KCNH1: variants seen among roughly 807,000 people sequenced by gnomAD.
The protein encoded by KCNH1 is voltage-gated delayed rectifier potassium channel KCNH1.
Under a neutral mutation model 69.2 loss-of-function variants are expected in KCNH1, and 27 were observed. That is an observed-to-expected ratio of 0.39 (90% CI 0.29 to 0.54). The LOEUF (loss-of-function observed/expected upper bound fraction) is 0.54, where lower values mean the gene tolerates loss of function less well. Ranked by LOEUF, KCNH1 falls within the 20% of genes least tolerant of loss-of-function variation. The probability of loss-of-function intolerance (pLI) is 0.68; values close to 1 mark genes in which losing one functional copy is unlikely to be tolerated. For missense variants in KCNH1, 798 were observed against 1,261.6 expected (o/e 0.63, Z 5.57); for synonymous variants, 456 against 487.7 (o/e 0.93, Z 0.86).
intron 7 of KCNH1, among the ~76,000 whole-genome samples, chr1:210,898,718 C>G (rs1686927457): frequency 1.3e-5 from 2 of 151,872 alleles, no homozygotes; most frequent in Non-Finnish European, 2.9e-5. Flanking sequence ...TACAGATACA[C>G]CTCACAGTAA....
intron 7 of KCNH1, among the ~76,000 whole-genome samples, chr1:210,822,782 C>A (rs1227580501): frequency 6.6e-6 from 1 of 152,154 alleles, no homozygotes; most frequent in Non-Finnish European, 1.5e-5. Flanking sequence ...AGCTCAAATG[C>A]CATCAAGCCC....
At chr1:210,692,033 G>C (rs1422388569) in intron 10 of KCNH1, among the ~76,000 whole-genome samples, 1 of 152,226 alleles carries the variant, frequency 6.6e-6, no homozygotes, top group South Asian at 2.1e-4. Context: ...GAGCTGTTCT[G>C]TTCTCAGGGG....
chr1:210,828,458 C>T (rs1176301298), intron 7 of KCNH1, among the ~76,000 whole-genome samples: 1 of 152,162 alleles, frequency 6.6e-6, no homozygotes, highest in African/African-American at 2.4e-5. Context: ...GACCTCAGAA[C>T]ACTTATTAGA....
At chr1:210,716,431 CAA>C (rs58725705) in intron 10 of KCNH1, among the ~76,000 whole-genome samples, 25 of 91,940 alleles carry the variant, frequency 2.7e-4, no homozygotes, top group African/African-American at 6.2e-4. Flanking sequence ...GACTCCGTCT[CAA>C]AAAAAAAAAA....
intron 6 of KCNH1, among the ~76,000 whole-genome samples, chr1:210,951,395 G>C (rs965739803): frequency 6.6e-6 from 1 of 152,190 alleles, no homozygotes; most frequent in Non-Finnish European, 1.5e-5. Flanking sequence ...CAAGGAGAAC[G>C]TTCTTGATGC....
At chr1:210,755,022 C>A (rs575445946) in intron 10 of KCNH1, among the ~76,000 whole-genome samples, 1 of 152,254 alleles carries the variant, frequency 6.6e-6, no homozygotes. Flanking sequence ...CCTGCTTCTG[C>A]AGAAGGAGAC....
intron 7 of KCNH1, among the ~76,000 whole-genome samples, chr1:210,852,332 C>T (rs987146874): frequency 9.2e-5 from 14 of 152,074 alleles, no homozygotes; most frequent in African/African-American, 3.1e-4. Flanking sequence ...GGAGGTGGTG[C>T]GAGAGAAGGC....
rs554240685 is a variant in KCNH1 at position 210,720,900 on chromosome 1, T to C, written c.2113-36762A>G. Among the ~76,000 whole-genome samples, 9 of 152,334 alleles carry C rather than the reference T, an allele frequency of 5.9e-5. No homozygotes were observed. The East Asian group carries it at 1.7e-3, about 29-fold the overall frequency. Reference sequence around the variant, plus strand: ...GGAGTAGAAGAGTCAACAAAAATTATGTCATGCATGATATGACAGTCACTC... The same window carrying C: ...GGAGTAGAAGAGTCAACAAAAATTACGTCATGCATGATATGACAGTCACTC... On this transcript the variant is annotated intron_variant, in intron 10 of 10. Transcript: ENST00000271751.
At chr1:210,998,662 C>A (rs7414286) in intron 6 of KCNH1, among the ~76,000 whole-genome samples, 3 of 151,970 alleles carry the variant, frequency 2.0e-5, no homozygotes, top group Non-Finnish European at 2.9e-5. Context: ...CCAAGCAGAC[C>A]TAATAGACAT....
chr1:210,809,239 T>C (rs1341036149), intron 7 of KCNH1, among the ~76,000 whole-genome samples: 1 of 152,226 alleles, frequency 6.6e-6, no homozygotes, highest in Non-Finnish European at 1.5e-5. Flanking sequence ...CTTAAATTTT[T>C]CCTGGAAGCT....
At chr1:210,881,194 G>A (rs978775148) in intron 7 of KCNH1, among the ~76,000 whole-genome samples, 1 of 152,040 alleles carries the variant, frequency 6.6e-6, no homozygotes, top group East Asian at 1.9e-4. Context: ...GTTGAGATGG[G>A]CTTTCACTAC....
chr1:210,989,413 C>T (rs1053001706), intron 6 of KCNH1, among the ~76,000 whole-genome samples: 2 of 152,180 alleles, frequency 1.3e-5, no homozygotes, highest in African/African-American at 2.4e-5. Context: ...GGGATATACG[C>T]AAACCAGTGT....
At chr1:211,073,112 GA>G (rs1690676482) in intron 5 of KCNH1, among the ~76,000 whole-genome samples, 1 of 152,046 alleles carries the variant, frequency 6.6e-6, no homozygotes, top group Non-Finnish European at 1.5e-5. Flanking sequence ...TTCAAAGCAA[GA>G]AAAGTTATCA....
rs1025892246 is a variant in KCNH1, at chr1:210,770,961, A to G, written c.2112+4387T>C. 7.9e-5 allele frequency among the ~76,000 whole-genome samples: 12 copies of G among 152,324 alleles called. No homozygotes were observed. In the East Asian group the frequency reaches 1.2e-3, roughly 15 times the overall value. ...TTGGAAAAGGGGTTTTCTTCCTCACAGGGTCCTAGTTTATTCCATTGAGAA... is the reference window on the plus strand; with the variant it reads ...TTGGAAAAGGGGTTTTCTTCCTCACGGGGTCCTAGTTTATTCCATTGAGAA... On this transcript the variant is annotated intron_variant, in intron 10 of 10. Coordinates refer to ENST00000271751, the MANE Select transcript of KCNH1 (RefSeq NM_172362.3).
chr1:211,070,670 A>C (rs1245791179), intron 5 of KCNH1, among the ~76,000 whole-genome samples: 1 of 151,902 alleles, frequency 6.6e-6, no homozygotes, highest in Non-Finnish European at 1.5e-5. Flanking sequence ...CTAAAAATAC[A>C]AAAAGTAGCC....
At chr1:210,688,123 C>T (rs943079601) in intron 10 of KCNH1, among the ~76,000 whole-genome samples, 14 of 152,190 alleles carry the variant, frequency 9.2e-5, no homozygotes, top group African/African-American at 2.9e-4. Context: ...ATGTGCCTTA[C>T]GAATGTCTAA....
chr1:210,953,412 C>A (rs1166669933), intron 6 of KCNH1, among the ~76,000 whole-genome samples: 1 of 152,190 alleles, frequency 6.6e-6, no homozygotes, highest in African/African-American at 2.4e-5. Context: ...AGAAGCTTTT[C>A]AATCCTTGTG....
At chr1:210,910,541 G>A (rs1275747845) in intron 7 of KCNH1, among the ~76,000 whole-genome samples, 1 of 152,240 alleles carries the variant, frequency 6.6e-6, no homozygotes, top group Non-Finnish European at 1.5e-5. Flanking sequence ...CCCTGCACCA[G>A]TGCCCTGTTC....
chr1:210,743,602 C>T (rs1239729624), intron 10 of KCNH1, among the ~76,000 whole-genome samples: 2 of 152,188 alleles, frequency 1.3e-5, no homozygotes, highest in Non-Finnish European at 2.9e-5. Context: ...ACAAGAACGC[C>T]TATTTTTAGA....
Sources: allele counts gnomAD v4.1 joint callset (sites outside exome capture counted in the v4.1 genomes callset), GRCh38; gene constraint gnomAD v4.1.1; transcripts MANE v1.5; gene names NCBI Gene and HGNC (gene_info 2026-07-23, HGNC 2026-07-21).